The following CCDC3 variants were observed in gnomAD, a reference collection of about 807,000 sequenced individuals.
CCDC3 encodes the protein coiled-coil domain-containing protein 3.
A neutral mutation model predicts 21.4 loss-of-function variants in CCDC3; 24 were observed. The observed-to-expected ratio is 1.12, with a 90% CI of 0.81 to 1.58. The LOEUF is 1.58. CCDC3 is among the 40% of genes most tolerant of loss of function. CCDC3 has a pLI of 0.00. For missense variants in CCDC3, 425 were observed against 360.9 expected, an observed-to-expected ratio of 1.18 and a Z score of -1.44; for synonymous variants, 186 against 166.0, an observed-to-expected ratio of 1.12 and a Z score of -0.93.
intron 2 of CCDC3, among the ~76,000 whole-genome samples, chr10:12,952,538 A>C (rs954535575): frequency 1.3e-5 from 2 of 152,190 alleles, no homozygotes; most frequent in African/African-American, 4.8e-5. Context: ...CTAGCCCATG[A>C]TGTGTCTTCA....
intron 2 of CCDC3, among the ~76,000 whole-genome samples, chr10:12,979,614 C>T (rs1835466271): frequency 1.3e-5 from 2 of 152,036 alleles, no homozygotes; most frequent in African/African-American, 2.4e-5. Flanking sequence ...TCAAGTGATC[C>T]TCCTACCTTG....
In CCDC3 at chr10:12,900,524, A is replaced by T. The variant is rs1349109613; in HGVS notation, c.550-1845T>A. ...AAACCCCATTTCTACTAAAAATACA[A>T]AAAAAAAAAAAAAAAAAAAAGCCGG... On this transcript the variant is annotated intron_variant, in intron 2 of 2. Coordinates refer to ENST00000378825, the MANE Select transcript of CCDC3 (RefSeq NM_031455.4). 4.0e-3 allele frequency among the ~76,000 whole-genome samples: 13 copies of T among 3,212 alleles called. No individual in the cohort carries two copies. The East Asian group carries it at 0.17, about 41-fold the overall frequency. 2.1% of individuals were successfully genotyped at this position (3,212 alleles called of 152,430 possible).
At chr10:12,975,189 C>T (rs1432677135) in intron 2 of CCDC3, among the ~76,000 whole-genome samples, 1 of 152,166 alleles carries the variant, frequency 6.6e-6, no homozygotes. Flanking sequence ...TTCCCAAGAC[C>T]CTGACCCGGC....
chr10:13,000,208 C>T (rs1053773768), intron 1 of CCDC3, among the ~76,000 whole-genome samples: 1 of 152,224 alleles, frequency 6.6e-6, no homozygotes, highest in African/African-American at 2.4e-5. Flanking sequence ...GATTAATTTA[C>T]TATCTTGATA....
intron 2 of CCDC3, among the ~76,000 whole-genome samples, chr10:12,996,492 T>G (rs1178685548): frequency 6.6e-6 from 1 of 151,278 alleles, no homozygotes; most frequent in African/African-American, 2.4e-5. Flanking sequence ...CGCACCACTC[T>G]GCCCAGCTAA....
At chr10:12,965,378 C>CT (rs1237715563) in intron 2 of CCDC3, among the ~76,000 whole-genome samples, 26 of 152,138 alleles carry the variant, frequency 1.7e-4, no homozygotes, top group Non-Finnish European at 2.9e-4. Flanking sequence ...AATCTTCTCC[C>CT]TCCTCCCTCC....
At position 13,084,653 on chromosome 10, in the gene CCDC3, C is replaced by A. The variant is rs111495419; in HGVS notation, c.-502-10553G>T. 4.2e-3 allele frequency among the ~76,000 whole-genome samples: 635 copies of A among 152,288 alleles called. 3 individuals carry two copies. The highest frequency in any genetic ancestry group is 0.014 in the African/African-American group (596 of 41,560). On this transcript the variant is annotated intron_variant, in intron 3 of 6. Coordinates refer to the CCDC3 transcript ENST00000378839. ...TGGACTCACCCTGAATTCTTTCTTG[C>A]ACGAGATCCAATAACCCTCTCTTGG...
chr10:12,943,856 A>G (rs955937759), intron 2 of CCDC3, among the ~76,000 whole-genome samples: 3 of 152,160 alleles, frequency 2.0e-5, no homozygotes, highest in Non-Finnish European at 4.4e-5. Context: ...TCTTCTCTTA[A>G]GCTCACTTGT....
chr10:12,920,739 CCT>C (rs1266738775), intron 2 of CCDC3, among the ~76,000 whole-genome samples: 15 of 152,130 alleles, frequency 9.9e-5, no homozygotes, highest in East Asian at 3.9e-4. Context: ...TACCATTCTC[CCT>C]GTTTTGTGGA....
At chr10:12,923,164 A>C (rs1206407316) in intron 2 of CCDC3, among the ~76,000 whole-genome samples, 1 of 152,156 alleles carries the variant, frequency 6.6e-6, no homozygotes, top group East Asian at 1.9e-4. Context: ...ACCATCTGGA[A>C]GTTTAATCTT....
chr10:12,964,312 C>T (rs1246960778), intron 2 of CCDC3, among the ~76,000 whole-genome samples: 2 of 151,288 alleles, frequency 1.3e-5, no homozygotes, highest in Non-Finnish European at 2.9e-5. Context: ...GCAGAGGTTG[C>T]AGTGAGCTGA....
At chr10:12,943,715 A>G (rs969845902) in intron 2 of CCDC3, among the ~76,000 whole-genome samples, 1 of 152,150 alleles carries the variant, frequency 6.6e-6, no homozygotes, top group African/African-American at 2.4e-5. Flanking sequence ...TCTGGGCCCT[A>G]TGTAAATCAG....
chr10:13,001,474 C>G lies in CCDC3; in HGVS notation c.97G>C (p.Glu33Gln). Reference sequence around the variant, plus strand: ...TCGGCCAGCTCGGCGCGGCAGCCCTCGCTCAGGGGCCTCCACTCGGAGGGC... The same window carrying G: ...TCGGCCAGCTCGGCGCGGCAGCCCTGGCTCAGGGGCCTCCACTCGGAGGGC... ...QLPSEWRPLS[E>Q]GCRAELAETI... is the part of the protein sequence containing the mutation. Residue 33 changes from glutamate to glutamine, a missense_variant, in exon 1 of 3, where the codon GAG becomes CAG. By Grantham distance (29) the Glu-to-Gln change is conservative. Transcript: ENST00000378825. 1 of 1,400,976 alleles carries G rather than the reference C, an allele frequency of 7.1e-7. No individual in the cohort carries two copies. Among genetic ancestry groups the G allele is most frequent in the Admixed American group, 3.3e-5 (1 of 30,084 alleles). 86.8% of individuals were successfully genotyped at this position (1,400,976 alleles called of 1,614,324 possible). A position where few individuals can be genotyped will look rare whatever the true frequency, so the allele number is the denominator to read the frequency against.
chr10:12,963,088 C>T (rs1002152596), intron 2 of CCDC3, among the ~76,000 whole-genome samples: 4 of 152,174 alleles, frequency 2.6e-5, no homozygotes, highest in Non-Finnish European at 5.9e-5. Flanking sequence ...TGCAGTTAAA[C>T]ACCACTTTCA....
chr10:13,001,258 C>A lies in CCDC3; in HGVS notation c.313G>T (p.Gly105Cys). ...GTGTGGGAGTGGCACGAGAAGTAGC[C>A]CAGGCCGGTGAGGTTGAGCCTGGAG... ...AGSRLNLTGL[G>C]YFSCHSHTVV... The change falls in exon 1 of 3, where the codon GGC becomes TGC. Residue 105 changes from glycine (G) to cysteine (C), a missense_variant. By Grantham distance (159) the Gly-to-Cys change is radical. Transcript: ENST00000378825. 6.3e-7 allele frequency: 1 copy of A among 1,595,126 alleles called. No homozygotes were observed. The highest frequency in any genetic ancestry group is 8.5e-7 in the Non-Finnish European group (1 of 1,171,962).
chr10:12,906,754 A>C (rs773504060), intron 2 of CCDC3, among the ~76,000 whole-genome samples: 1 of 152,182 alleles, frequency 6.6e-6, no homozygotes, highest in Non-Finnish European at 1.5e-5. Flanking sequence ...TCTGAAGATG[A>C]AATCAGATGA....
chr10:12,909,010 C>G (rs1834222234), intron 2 of CCDC3, among the ~76,000 whole-genome samples: 1 of 152,200 alleles, frequency 6.6e-6, no homozygotes, highest in Non-Finnish European at 1.5e-5. Context: ...ATCCACATCA[C>G]AGTGGATGGG....
chr10:12,966,084 C>A (rs866148476), intron 2 of CCDC3, among the ~76,000 whole-genome samples: 4 of 152,210 alleles, frequency 2.6e-5, no homozygotes, highest in Middle Eastern at 3.4e-3. Flanking sequence ...ACTCTATCAC[C>A]GTCTGTGGGC....
rs76744162 is a variant in CCDC3, at chr10:13,066,864, G to A, written c.-270+7004C>T. 9.3e-3 allele frequency among the ~76,000 whole-genome samples: 1,415 copies of A among 152,168 alleles called. 20 individuals carry two copies. Among genetic ancestry groups the A allele is most frequent in the African/African-American group, 0.032 (1,320 of 41,500 alleles). ...GCAGGAAGCCACCTCACTTTGCTGA[G>A]TTTTTTTGTTTTTTTCCCTTTTCGC... is the stretch of plus-strand genomic sequence containing the variant. On this transcript the variant is annotated intron_variant, in intron 4 of 6. Transcript: ENST00000378839.
Sources: gnomAD v4.1 joint callset for allele counts (sites outside exome capture counted in the v4.1 genomes callset) on GRCh38, gnomAD v4.1.1 for gene constraint, MANE v1.5 for transcripts, NCBI Gene and HGNC (gene_info 2026-07-23, HGNC 2026-07-21) for gene names.